PIN4: variants seen among roughly 807,000 people sequenced by gnomAD.
PIN4 encodes the protein peptidylprolyl cis/trans isomerase, NIMA-interacting 4, also known as peptidyl-prolyl cis-trans isomerase NIMA-interacting 4.
In PIN4, 3 loss-of-function variants were observed where a neutral mutation model predicts 8.3. The observed-to-expected ratio is 0.36, with a 90% confidence interval of 0.16 to 0.93. The LOEUF is 0.93. Among genes scored for constraint, PIN4 ranks in the 40% least tolerant of loss-of-function variants. The pLI is 0.44. For missense variants in PIN4, 75 were observed against 100.6 expected (o/e 0.75, Z 1.09); for synonymous variants, 18 against 32.5 (o/e 0.55, Z 1.52).
At chrX:72,254,346 C>G (rs1342890696) in intron 3 of PIN4, among the ~76,000 whole-genome samples, 1 of 111,658 alleles carries the variant, frequency 9.0e-6, no homozygotes, top group African/African-American at 3.3e-5. Context: ...GAGACCTTCC[C>G]TGACCCACCT....
At chrX:72,242,821 C>T (rs751511509) in intron 3 of PIN4, among the ~76,000 whole-genome samples, 17 of 111,609 alleles carry the variant, frequency 1.5e-4, no homozygotes, top group Non-Finnish European at 2.8e-4. Context: ...CGAGACCAGC[C>T]TGACCAACAT....
intron 3 of PIN4, among the ~76,000 whole-genome samples, chrX:72,235,677 G>C (rs913860324): frequency 6.3e-5 from 7 of 111,839 alleles, no homozygotes; most frequent in African/African-American, 2.3e-4. Context: ...ACAGGCGTGA[G>C]CCACCACACC....
intron 3 of PIN4, chrX:72,239,010 C>T: frequency 1.2e-6 from 1 of 828,194 alleles, no homozygotes; most frequent in Non-Finnish European, 1.7e-6. Context: ...GAATTTCGCT[C>T]ACTCCCGCCC....
chrX:72,238,918 C>T lies in PIN4; in HGVS notation c.313-23789C>T, dbSNP rs757328589. The stretch of plus-strand genomic sequence containing the variant: ...ACCTTCGGGATGCCTCCATGACCCT[C>T]GGATTGGGTTCCAGTTACCCCGGCG... On this transcript the variant is annotated intron_variant, in intron 3 of 3. Coordinates refer to the PIN4 transcript ENST00000423432. The T allele has an allele frequency of 1.0e-5, 12 of 1,187,124 alleles. No individual in the cohort carries two copies. The African/African-American group carries it at 1.2e-4, about 12-fold the overall frequency.
At chrX:72,205,462 A>C (rs747924522) in intron 3 of PIN4, 2 of 1,210,274 alleles carry the variant, frequency 1.7e-6, no homozygotes, top group Non-Finnish European at 2.2e-6. Flanking sequence ...GTCTAAAACC[A>C]TATTAATAAG....
At chrX:72,248,861 A>G (rs1295226573) in intron 3 of PIN4, among the ~76,000 whole-genome samples, 1 of 109,819 alleles carries the variant, frequency 9.1e-6, no homozygotes, top group Non-Finnish European at 1.9e-5. Flanking sequence ...TGGGTGACAG[A>G]GCAAGACTCC....
In PIN4 at chrX:72,224,874, G is replaced by A. The variant is rs144110412; in HGVS notation, c.312+27970G>A. 5.2e-4 allele frequency among the ~76,000 whole-genome samples: 58 copies of A among 111,106 alleles called. 1 individual carries two copies. The East Asian group carries it at 0.015, about 30-fold the overall frequency. ...CAAATCTCACTAAAGGATCCTAAGC[G>A]CTACACAGTGGTCCCACAATATCAC... is the stretch of plus-strand genomic sequence containing the variant. On this transcript the variant is annotated intron_variant, in intron 3 of 3. Transcript: ENST00000423432.
Position 72,198,275 on chromosome X carries a change from T to TA in PIN4, c.*755dup. ...TTTAAAATGCCATATTTATGACATATAAAAAAGTATAAAGATTACTAATAT... is the reference window on the plus strand; with the variant it reads ...TTTAAAATGCCATATTTATGACATATAAAAAAAGTATAAAGATTACTAATAT... On this transcript the variant is annotated 3_prime_UTR_variant, in exon 4 of 4. Transcript: ENST00000373669. 1.4e-6 allele frequency: 1 copy of TA among 705,668 alleles called. No homozygotes were observed. The highest frequency in any genetic ancestry group is 8.3e-4 in the Middle Eastern group (1 of 1,199). 58.2% of individuals were successfully genotyped at this position (705,668 alleles called of 1,213,427 possible).
intron 3 of PIN4, among the ~76,000 whole-genome samples, chrX:72,203,387 A>C (rs1345967790): frequency 8.9e-6 from 1 of 111,836 alleles, no homozygotes; most frequent in Non-Finnish European, 1.9e-5. Context: ...GGGAACCCCT[A>C]ATTTGTAGCC....
At chrX:72,249,743 A>T (rs1182040634) in intron 3 of PIN4, among the ~76,000 whole-genome samples, 1 of 112,134 alleles carries the variant, frequency 8.9e-6, no homozygotes, top group African/African-American at 3.2e-5. Context: ...GATAGAAATC[A>T]GAACAGTGTC....
chrX:72,263,140 C>A, exon 4 of PIN4: 1 of 139,281 alleles, frequency 7.2e-6, no homozygotes, highest in Non-Finnish European at 1.4e-5. Context: ...GGGGAGACAG[C>A]CAAATAGACA....
chrX:72,225,168 T>C (rs1319270147), intron 3 of PIN4, among the ~76,000 whole-genome samples: 1 of 111,848 alleles, frequency 8.9e-6, no homozygotes, highest in East Asian at 2.8e-4. Flanking sequence ...AGATGCTTTT[T>C]TTACTATTCC....
intron 3 of PIN4, among the ~76,000 whole-genome samples, chrX:72,253,574 G>A (rs1182647599): frequency 2.7e-5 from 3 of 109,917 alleles, no homozygotes; most frequent in Non-Finnish European, 3.8e-5. Context: ...GCAGTGAGCC[G>A]AGATCACACC....
At chrX:72,226,281 G>A (rs1474494231) in intron 3 of PIN4, among the ~76,000 whole-genome samples, 1 of 111,572 alleles carries the variant, frequency 9.0e-6, no homozygotes, top group Non-Finnish European at 1.9e-5. Flanking sequence ...AGATGGCAGT[G>A]CATCAGAAAA....
At chrX:72,213,613 G>C (rs1042155351) in intron 3 of PIN4, among the ~76,000 whole-genome samples, 4 of 112,133 alleles carry the variant, frequency 3.6e-5, no homozygotes, top group Admixed American at 2.8e-4. Flanking sequence ...CAGGGTGTCC[G>C]CTGCGTTTCT....
At chrX:72,225,459 T>C (rs193104866) in intron 3 of PIN4, among the ~76,000 whole-genome samples, 46 of 111,923 alleles carry the variant, frequency 4.1e-4, no homozygotes, top group African/African-American at 1.5e-3. Context: ...GTACCAGGTG[T>C]CCAAAAAGAA....
chrX:72,240,438 T>C (rs1167519230), intron 3 of PIN4, among the ~76,000 whole-genome samples: 1 of 112,136 alleles, frequency 8.9e-6, no homozygotes, highest in Non-Finnish European at 1.9e-5. Flanking sequence ...AACTCACCTA[T>C]TGGCCCAGTC....
intron 2 of PIN4, among the ~76,000 whole-genome samples, chrX:72,190,809 C>T (rs915539184): frequency 2.0e-4 from 22 of 109,048 alleles, no homozygotes; most frequent in African/African-American, 4.7e-4. Context: ...AAAAATTAGT[C>T]GGGTGTGGTG....
At chrX:72,207,038 C>T (rs758443175) in intron 3 of PIN4, 1 of 1,211,710 alleles carries the variant, frequency 8.3e-7, no homozygotes, top group East Asian at 3.0e-5. Flanking sequence ...ACAACATTCT[C>T]TTTTTGTCCA....
Sources: gnomAD v4.1 joint callset for allele counts (sites outside exome capture counted in the v4.1 genomes callset) on GRCh38, gnomAD v4.1.1 for gene constraint, MANE v1.5 for transcripts, NCBI Gene and HGNC (gene_info 2026-07-23, HGNC 2026-07-21) for gene names.